MAP3K7CL: variants seen among roughly 807,000 people sequenced by gnomAD.
The protein encoded by MAP3K7CL is MAP3K7 C-terminal-like protein.
MAP3K7CL carries 16 observed loss-of-function variants against 18.6 expected under a neutral mutation model. The observed-to-expected ratio is 0.86, with a 90% CI of 0.58 to 1.31. MAP3K7CL has a LOEUF of 1.31. Among genes scored for constraint, MAP3K7CL ranks in the 50% most tolerant of loss-of-function variants. MAP3K7CL has a pLI of 0.00. For synonymous variants in MAP3K7CL, 65 were observed against 66.8 expected, an observed-to-expected ratio of 0.97 and a Z score of 0.13; for missense variants, 163 against 174.4, an observed-to-expected ratio of 0.93 and a Z score of 0.37.
intron 3 of MAP3K7CL, among the ~76,000 whole-genome samples, chr21:29,157,841 A>G (rs2087444754): frequency 6.6e-6 from 1 of 152,212 alleles, no homozygotes; most frequent in African/African-American, 2.4e-5. Flanking sequence ...TTATTAATGT[A>G]CTTTTCAGTT....
intron 4 of MAP3K7CL, chr21:29,109,430 A>G: frequency 8.8e-6 from 11 of 1,255,124 alleles, no homozygotes; most frequent in Non-Finnish European, 1.1e-5. Context: ...TAAGTATTTC[A>G]CTAAGTGTGA....
intron 4 of MAP3K7CL, among the ~76,000 whole-genome samples, chr21:29,114,399 A>T (rs535876192): frequency 6.7e-6 from 1 of 150,144 alleles, no homozygotes; most frequent in South Asian, 2.1e-4. Flanking sequence ...TTTATTTTTT[A>T]TTTATTTTTG....
intron 4 of MAP3K7CL, 42 bp from the exon 5 acceptor site, chr21:29,174,670 T>C (rs2087922814): frequency 6.2e-7 from 1 of 1,603,746 alleles, no homozygotes; most frequent in Non-Finnish European, 8.5e-7. Flanking sequence ...TTGCTTGCAT[T>C]GAATTCTGTG....
At chr21:29,085,765 A>G, upstream of MAP3K7CL, 1 of 1,207,290 alleles carries the variant, frequency 8.3e-7, no homozygotes, top group Admixed American at 1.7e-5. Flanking sequence ...GTTTGAAGGA[A>G]TGTTGCGATG....
chr21:29,149,373 A>G, intron 3 of MAP3K7CL, 123 bp downstream of exon 3: 1 of 812,292 alleles, frequency 1.2e-6, no homozygotes, highest in Non-Finnish European at 2.1e-6. Context: ...CTTTGAAGTC[A>G]TCAAGGATTA....
chr21:29,100,147 G>C (rs1035129015), intron 4 of MAP3K7CL, among the ~76,000 whole-genome samples: 1 of 151,230 alleles, frequency 6.6e-6, no homozygotes, highest in African/African-American at 2.4e-5. Context: ...CTGAGCGGCA[G>C]CCCGAATGAA....
intron 2 of MAP3K7CL, among the ~76,000 whole-genome samples, chr21:29,140,341 AAAG>A (rs2086978776): frequency 6.6e-6 from 1 of 152,224 alleles, no homozygotes; most frequent in Non-Finnish European, 1.5e-5. Context: ...GAAAGGCCAG[AAAG>A]AAGGTGAGTG....
At chr21:29,127,144 T>C (rs1242576148), upstream of MAP3K7CL, among the ~76,000 whole-genome samples, 1 of 152,232 alleles carries the variant, frequency 6.6e-6, no homozygotes, top group Admixed American at 6.5e-5. Context: ...AAATTGATAT[T>C]GCATAATTGT....
rs1429733025 is a variant in MAP3K7CL at position 29,077,768 on chromosome 21, C to G, written c.-49+55C>G. 2.6e-5 allele frequency: 4 copies of G among 152,364 alleles called. No individual in the cohort carries two copies. In the East Asian group the frequency reaches 7.7e-4, roughly 29 times the overall value. 9.4% of individuals were successfully genotyped at this position (152,364 alleles called of 1,614,324 possible). ...TATGTGAAGTAAAACCAGAGAACAA[C>G]ACAAAGCAATCAAGAGGGTTTTTGC... On this transcript the variant is annotated intron_variant, in intron 1 of 7. Coordinates refer to the MAP3K7CL transcript ENST00000341618.
intron 3 of MAP3K7CL, chr21:29,092,116 A>G (rs1414090550): frequency 8.1e-6 from 3 of 371,894 alleles, no homozygotes; most frequent in Admixed American, 4.1e-5. Context: ...ATGTTGGTAA[A>G]GGGTAGAATT....
chr21:29,087,407 T>C (rs1312653974), intron 1 of MAP3K7CL, among the ~76,000 whole-genome samples: 1 of 152,198 alleles, frequency 6.6e-6, no homozygotes. Flanking sequence ...ATATGTTTTT[T>C]AATTATGTTC....
At chr21:29,164,573 A>C (rs1219169549) in intron 4 of MAP3K7CL, among the ~76,000 whole-genome samples, 1 of 152,228 alleles carries the variant, frequency 6.6e-6, no homozygotes, top group African/African-American at 2.4e-5. Context: ...AATTTGTCTT[A>C]AGAGGCGTGA....
At chr21:29,157,005 G>A (rs73193803) in intron 3 of MAP3K7CL, among the ~76,000 whole-genome samples, 12,744 of 152,264 alleles carry the variant, frequency 0.084, 690 homozygotes, top group Non-Finnish European at 0.13. Flanking sequence ...GCAAAAGATT[G>A]AGTACAAATG....
intron 1 of MAP3K7CL, among the ~76,000 whole-genome samples, chr21:29,089,763 T>C (rs2085989900): frequency 6.6e-6 from 1 of 150,542 alleles, no homozygotes; most frequent in Non-Finnish European, 1.5e-5. Context: ...AAGATGTGTC[T>C]AAGCTGTTCA....
intron 4 of MAP3K7CL, among the ~76,000 whole-genome samples, chr21:29,112,797 C>T (rs1263335777): frequency 6.6e-6 from 1 of 152,070 alleles, no homozygotes; most frequent in African/African-American, 2.4e-5. Context: ...CCTTTCCTCC[C>T]AGCAAACGAG....
chr21:29,141,468 G>T (rs1416459586), intron 2 of MAP3K7CL, among the ~76,000 whole-genome samples: 1 of 150,958 alleles, frequency 6.6e-6, no homozygotes, highest in African/African-American at 2.4e-5. Context: ...AGCCGAGATT[G>T]AGTCACTGCA....
At chr21:29,127,633 T>A (rs1199306568), upstream of MAP3K7CL, 3 of 152,022 alleles carry the variant, frequency 2.0e-5, no homozygotes, top group African/African-American at 7.3e-5. Context: ...GTATTTTTTT[T>A]TGTTCCTTTC....
At chr21:29,126,647 C>T (rs905139581), upstream of MAP3K7CL, among the ~76,000 whole-genome samples, 25 of 152,000 alleles carry the variant, frequency 1.6e-4, no homozygotes, top group African/African-American at 5.1e-4. Context: ...TTAGTAGAGA[C>T]GGGGTCTTAC....
chr21:29,171,245 G>A (rs1185527457), intron 4 of MAP3K7CL, among the ~76,000 whole-genome samples: 1 of 152,050 alleles, frequency 6.6e-6, no homozygotes, highest in East Asian at 1.9e-4. Context: ...TTTATTGTGA[G>A]CCTATTCTAT....
Sources: gnomAD v4.1 joint callset for allele counts (sites outside exome capture counted in the v4.1 genomes callset) on GRCh38, gnomAD v4.1.1 for gene constraint, MANE v1.5 for transcripts, NCBI Gene and HGNC (gene_info 2026-07-23, HGNC 2026-07-21) for gene names.